Variants in AP1G1 observed in about 807,000 individuals in gnomAD.
AP1G1 encodes the protein adaptor related protein complex 1 subunit gamma 1.
AP1G1 carries 7 observed loss-of-function variants against 108.3 expected under a neutral mutation model. The observed-to-expected ratio is 0.06, with a 90% CI of 0.04 to 0.12. The LOEUF (loss-of-function observed/expected upper bound fraction) is 0.12. AP1G1 is among the 10% of genes least tolerant of loss of function. AP1G1 has a pLI of 1.00. For synonymous variants in AP1G1, 379 were observed against 353.5 expected (o/e 1.07, Z -0.81); for missense variants, 756 against 1,010.7 (o/e 0.75, Z 3.42).
chr16:71,735,438 C>T (rs1430889406), intron 21 of AP1G1, among the ~76,000 whole-genome samples: 3 of 152,054 alleles, frequency 2.0e-5, no homozygotes, highest in Non-Finnish European at 2.9e-5. Context: ...TCAAGGCGAG[C>T]GGATCACGAG....
Position 71,761,652 on chromosome 16 carries a change from C to G in AP1G1, c.919-85G>C, listed in dbSNP as rs551400219. On this transcript the variant is annotated intron_variant, in intron 9 of 22. Transcript: ENST00000299980. ...AGTTTAAAGGATCACTTCATGACCT[C>G]TGGTGCTTCACAGACTGCTAGCAAA... 177 of 997,916 alleles carry G rather than the reference C, an allele frequency of 1.8e-4. No individual in the cohort carries two copies. The African/African-American group carries it at 2.3e-3, about 13-fold the overall frequency. 61.8% of individuals were successfully genotyped at this position (997,916 alleles called of 1,614,324 possible).
chr16:71,787,846 G>A (rs906850762), intron 2 of AP1G1, among the ~76,000 whole-genome samples: 1 of 152,104 alleles, frequency 6.6e-6, no homozygotes, highest in African/African-American at 2.4e-5. Context: ...ATATTTCAAA[G>A]AACATATTAT....
At chr16:71,808,055 A>C (rs540272657) in intron 1 of AP1G1, 1 of 1,180,476 alleles carries the variant, frequency 8.5e-7, no homozygotes, top group South Asian at 1.6e-5. Flanking sequence ...ACCGAGTCCT[A>C]ACCGGGAAAC....
At chr16:71,765,344 T>A in intron 7 of AP1G1, 145 bp downstream of exon 7, 1 of 575,304 alleles carries the variant, frequency 1.7e-6, no homozygotes, top group Non-Finnish European at 3.1e-6. Context: ...CTTAATCTAA[T>A]ATAGAATTGT....
intron 1 of AP1G1, among the ~76,000 whole-genome samples, chr16:71,800,539 C>T (rs1466982279): frequency 6.6e-6 from 1 of 151,424 alleles, no homozygotes; most frequent in East Asian, 1.9e-4. Flanking sequence ...CGGGGGCTCA[C>T]GCCTTTAATC....
At chr16:71,740,993 T>G (rs11641873) in intron 19 of AP1G1, among the ~76,000 whole-genome samples, 59,324 of 152,050 alleles carry the variant, frequency 0.39, 12,235 homozygotes, top group East Asian at 0.76. Context: ...AGAAATAGAT[T>G]ACCATTCTTA....
chr16:71,759,036 TA>T (rs1567648437), intron 10 of AP1G1, 115 bp from the exon 11 acceptor site: 1 of 635,050 alleles, frequency 1.6e-6, no homozygotes, highest in Non-Finnish European at 2.7e-6. Flanking sequence ...CATACATTTT[TA>T]TTTAAAAGAA....
At chr16:71,748,987 A>C (rs555418691) in intron 15 of AP1G1, among the ~76,000 whole-genome samples, 18 of 152,112 alleles carry the variant, frequency 1.2e-4, no homozygotes, top group African/African-American at 3.6e-4. Context: ...GCTCACTGCA[A>C]GCTCCACCTC....
intron 1 of AP1G1, among the ~76,000 whole-genome samples, chr16:71,794,820 A>T (rs2032520289): frequency 7.9e-6 from 1 of 126,340 alleles, no homozygotes; most frequent in Non-Finnish European, 1.6e-5. Context: ...TACCATTCTC[A>T]GGCCATGAGA....
chr16:71,792,229 A>C (rs982072342), intron 1 of AP1G1, among the ~76,000 whole-genome samples: 15 of 152,212 alleles, frequency 9.9e-5, no homozygotes, highest in Non-Finnish European at 1.5e-5. Flanking sequence ...CAGGAGTTTC[A>C]GTATGGCAGG....
intron 2 of AP1G1, among the ~76,000 whole-genome samples, chr16:71,781,313 T>C (rs139098078): frequency 1.3e-5 from 2 of 152,302 alleles, no homozygotes; most frequent in East Asian, 3.9e-4. Context: ...ACATTCCTAG[T>C]GAATCCAATT....
intron 2 of AP1G1, among the ~76,000 whole-genome samples, chr16:71,775,543 A>C (rs2031751040): frequency 6.6e-6 from 1 of 152,190 alleles, no homozygotes; most frequent in Non-Finnish European, 1.5e-5. Flanking sequence ...TTAATCCCCA[A>C]GTTACATTAA....
chr16:71,761,361 AAAAC>A, intron 10 of AP1G1, 147 bp downstream of exon 10: 1 of 670,636 alleles, frequency 1.5e-6, no homozygotes, highest in Non-Finnish European at 2.6e-6. Context: ...AGTTCTTCAC[AAAAC>A]AGTGTTTTAA....
At chr16:71,739,590 A>G (rs2045592192) in intron 19 of AP1G1, among the ~76,000 whole-genome samples, 1 of 152,044 alleles carries the variant, frequency 6.6e-6, no homozygotes, top group African/African-American at 2.4e-5. Context: ...CTCTACAAAA[A>G]AAAATACAAA....
At chr16:71,786,967 T>A (rs2032226722) in intron 2 of AP1G1, among the ~76,000 whole-genome samples, 1 of 151,390 alleles carries the variant, frequency 6.6e-6, no homozygotes, top group Non-Finnish European at 1.5e-5. Flanking sequence ...CAGTAGAAAG[T>A]AAGCCTGAGG....
At chr16:71,735,948 T>A (rs555158022) in intron 21 of AP1G1, among the ~76,000 whole-genome samples, 1 of 149,114 alleles carries the variant, frequency 6.7e-6, no homozygotes, top group African/African-American at 2.5e-5. Context: ...CTGGTCAACA[T>A]GGCAAAACCC....
intron 19 of AP1G1, among the ~76,000 whole-genome samples, chr16:71,741,896 A>G (rs936512774): frequency 6.6e-6 from 1 of 152,208 alleles, no homozygotes; most frequent in Non-Finnish European, 1.5e-5. Flanking sequence ...TTGTCCTGTA[A>G]AAGTATAGCA....
chr16:71,775,578 G>T (rs1157404061), intron 2 of AP1G1, among the ~76,000 whole-genome samples: 1 of 151,846 alleles, frequency 6.6e-6, no homozygotes, highest in East Asian at 1.9e-4. Context: ...TGTACTTAAG[G>T]TATAGTTCCA....
intron 1 of AP1G1, among the ~76,000 whole-genome samples, chr16:71,794,046 A>C (rs2142265312): frequency 6.6e-6 from 1 of 152,330 alleles, no homozygotes; most frequent in African/African-American, 2.4e-5. Flanking sequence ...AAAGACCTTG[A>C]TTCTCCAAGA....
Sources: gnomAD v4.1 joint callset for allele counts (sites outside exome capture counted in the v4.1 genomes callset) on GRCh38, gnomAD v4.1.1 for gene constraint, MANE v1.5 for transcripts, NCBI Gene and HGNC (gene_info 2026-07-23, HGNC 2026-07-21) for gene names.